Variants in CPAMD8 observed in about 807,000 individuals in gnomAD.
CPAMD8 encodes C3 and PZP like alpha-2-macroglobulin domain containing 8.
CPAMD8 carries 146 observed loss-of-function variants against 224.7 expected under a neutral mutation model. That is an observed-to-expected ratio of 0.65 (90% CI 0.57 to 0.75). CPAMD8 has a LOEUF of 0.75. CPAMD8 is among the 30% of genes least tolerant of loss of function. The pLI, the probability that CPAMD8 is intolerant of heterozygous loss-of-function variation, is 0.00. For missense variants in CPAMD8, 2,301 were observed against 2,537.5 expected, an observed-to-expected ratio of 0.91 and a Z score of 2.00; for synonymous variants, 966 against 1,044.6, an observed-to-expected ratio of 0.92 and a Z score of 1.45.
chr19:16,942,114 C>T (rs2053916205), intron 22 of CPAMD8, among the ~76,000 whole-genome samples: 1 of 152,126 alleles, frequency 6.6e-6, no homozygotes, highest in Non-Finnish European at 1.5e-5. Context: ...CCCAGCCATG[C>T]TTCCTGTACA....
chr19:16,955,041 T>C (rs979332867), intron 19 of CPAMD8, among the ~76,000 whole-genome samples: 2 of 152,140 alleles, frequency 1.3e-5, no homozygotes, highest in Non-Finnish European at 2.9e-5. Context: ...GGCAGGAGAA[T>C]GGCGTGAACC....
chr19:16,895,023 G>C (rs542899900), intron 41 of CPAMD8: 2 of 158,928 alleles, frequency 1.3e-5, no homozygotes, highest in Non-Finnish European at 2.8e-5. Context: ...TGAGGCAAGA[G>C]GATCACTTGA....
chr19:16,909,229 A>C (rs1040447505), intron 29 of CPAMD8, among the ~76,000 whole-genome samples: 9 of 152,180 alleles, frequency 5.9e-5, no homozygotes, highest in Non-Finnish European at 8.8e-5. Context: ...GTGGCCTCAA[A>C]TCCAATGACA....
intron 13 of CPAMD8, among the ~76,000 whole-genome samples, chr19:16,984,895 A>G (rs1232155484): frequency 6.6e-6 from 1 of 152,210 alleles, no homozygotes; most frequent in Non-Finnish European, 1.5e-5. Flanking sequence ...ACAAATGCAC[A>G]TGCACACTCA....
chr19:16,922,454 T>C (rs942002427), intron 26 of CPAMD8, among the ~76,000 whole-genome samples: 1 of 151,208 alleles, frequency 6.6e-6, no homozygotes, highest in Non-Finnish European at 1.5e-5. Context: ...CTGGAGTCCC[T>C]GGAACTGCTC....
At chr19:17,008,457 A>G in intron 7 of CPAMD8, 48 bp downstream of exon 7, 1 of 1,606,458 alleles carries the variant, frequency 6.2e-7, no homozygotes, top group East Asian at 2.2e-5. Context: ...GTTTTCCTGG[A>G]AGGTTTATCA....
chr19:17,022,336 C>T (rs2056982065), intron 1 of CPAMD8, among the ~76,000 whole-genome samples, 155 bp from the exon 2 acceptor site: 1 of 152,184 alleles, frequency 6.6e-6, no homozygotes, highest in Non-Finnish European at 1.5e-5. Context: ...GCCCCCCCAT[C>T]AGTTCTTGAG....
intron 22 of CPAMD8, among the ~76,000 whole-genome samples, chr19:16,939,202 T>C (rs1352272823): frequency 4.9e-5 from 4 of 81,654 alleles, no homozygotes; most frequent in Admixed American, 1.3e-4. Flanking sequence ...TATCTATCTA[T>C]GTATCTATCT....
At chr19:16,962,259 G>A (rs1055643339) in intron 18 of CPAMD8, among the ~76,000 whole-genome samples, 3 of 152,176 alleles carry the variant, frequency 2.0e-5, no homozygotes, top group Non-Finnish European at 2.9e-5. Flanking sequence ...AAAGGAGCAC[G>A]TTCAAACCCA....
chr19:16,946,179 G>C (rs1333426383), intron 21 of CPAMD8, among the ~76,000 whole-genome samples: 1 of 149,464 alleles, frequency 6.7e-6, no homozygotes, highest in Non-Finnish European at 1.5e-5. Flanking sequence ...TGTATGATTT[G>C]TGTGTGTGTG....
At chr19:16,956,727 G>A (rs1475884765) in intron 19 of CPAMD8, among the ~76,000 whole-genome samples, 1 of 151,902 alleles carries the variant, frequency 6.6e-6, no homozygotes, top group East Asian at 1.9e-4. Flanking sequence ...GAGAGCAGTG[G>A]CGCCATCTTG....
intron 2 of CPAMD8, 140 bp from the exon 3 acceptor site, chr19:17,020,493 C>A: frequency 1.5e-6 from 1 of 667,988 alleles, no homozygotes; most frequent in Non-Finnish European, 2.7e-6. Context: ...TCATGCTGGC[C>A]TGGACTGGGC....
At chr19:16,951,937 G>A in intron 20 of CPAMD8, 32 bp downstream of exon 20, 1 of 1,341,742 alleles carries the variant, frequency 7.5e-7, no homozygotes, top group Non-Finnish European at 1.0e-6. Context: ...CCACTGAATG[G>A]AGGAAGGCTA....
At chr19:16,960,970 C>A (rs2054633194) in intron 18 of CPAMD8, among the ~76,000 whole-genome samples, 1 of 151,456 alleles carries the variant, frequency 6.6e-6, no homozygotes, top group Non-Finnish European at 1.5e-5. Flanking sequence ...ACTTAAATTT[C>A]ATTATATATC....
chr19:17,008,037 C>T (rs1050197867), intron 7 of CPAMD8, among the ~76,000 whole-genome samples: 1 of 152,186 alleles, frequency 6.6e-6, no homozygotes, highest in Non-Finnish European at 1.5e-5. Context: ...GGCGTGGTGC[C>T]ATGCACCTGT....
At chr19:17,021,945 C>T in intron 2 of CPAMD8, 85 bp downstream of exon 2, 1 of 1,360,368 alleles carries the variant, frequency 7.4e-7, no homozygotes, top group Non-Finnish European at 9.9e-7. Flanking sequence ...AAGCAACACC[C>T]ACACTGCCCC....
At chr19:16,988,335 G>T (rs1309154803) in intron 13 of CPAMD8, among the ~76,000 whole-genome samples, 1 of 152,200 alleles carries the variant, frequency 6.6e-6, no homozygotes, top group Admixed American at 6.5e-5. Context: ...AACGAGCCGG[G>T]CGTGGTGGCT....
At position 16,896,233 on chromosome 19, in the gene CPAMD8, C is replaced by G; in HGVS notation, c.5369G>C (p.Gly1790Ala). The G allele has an allele frequency of 6.2e-7, 1 of 1,613,812 alleles. No homozygotes were observed. Among genetic ancestry groups the G allele is most frequent in the Non-Finnish European group, 8.5e-7 (1 of 1,180,000 alleles). ...TGAGTCCTCCACCTCAAGGCCGGCT[C>G]CATTCAGCTTCACGTCCTGCTGTAA... ...GPLQQDVKLN[G>A]AGLEVEDSDP... The change falls in exon 41 of 42, where the codon GGA (glycine) becomes GCA (alanine). Residue 1790 changes from glycine to alanine, a missense_variant. Coordinates refer to ENST00000443236, the MANE Select transcript of CPAMD8 (RefSeq NM_015692.5).
intron 13 of CPAMD8, among the ~76,000 whole-genome samples, chr19:16,987,176 AAAAATATATATATATAT>A (rs1742066446): frequency 1.1e-5 from 1 of 90,976 alleles, no homozygotes; most frequent in African/African-American, 5.4e-5. Context: ...AAAAAAAAAA[AAAAATATATATATATAT>A]ATATATATAT....
Sources: allele counts gnomAD v4.1 joint callset (sites outside exome capture counted in the v4.1 genomes callset), GRCh38; gene constraint gnomAD v4.1.1; transcripts MANE v1.5; gene names NCBI Gene and HGNC (gene_info 2026-07-23, HGNC 2026-07-21).